The following GPSM1 variants were observed in gnomAD, a reference collection of about 807,000 sequenced individuals.
GPSM1 encodes G protein-signaling modulator 1.
GPSM1 carries 48 observed loss-of-function variants against 70.5 expected under a neutral mutation model. The observed-to-expected ratio is 0.68, with a 90% CI of 0.54 to 0.87. The LOEUF is 0.87. Among genes scored for constraint, GPSM1 ranks in the 40% least tolerant of loss-of-function variants. The pLI, the probability that GPSM1 is intolerant of heterozygous loss-of-function variation, is 0.00. For missense variants in GPSM1, 981 were observed against 972.6 expected (o/e 1.01, Z -0.11); for synonymous variants, 416 against 430.1 (o/e 0.97, Z 0.41).
chr9:136,356,437 G>A lies in GPSM1; in HGVS notation c.1708G>A (p.Val570Met), dbSNP rs782429418. ...CCGGCTGGACGACCAGCGGGCCAGC[G>A]TGGGCAGCCTGCCGGGGCTGCGAAT... ...SRRLDDQRAS[V>M]GSLPGLRITH... The change falls in exon 13 of 14, where the codon GTG (valine) becomes ATG (methionine). Residue 570 changes from valine to methionine, a missense_variant. Transcript: ENST00000440944. The A allele has an allele frequency of 6.8e-6, 11 of 1,610,754 alleles. No individual in the cohort carries two copies. Among genetic ancestry groups the A allele is most frequent in the East Asian group, 6.7e-5 (3 of 44,818 alleles).
chr9:136,348,801 G>C, intron 10 of GPSM1, 34 bp downstream of exon 10: 1 of 1,523,398 alleles, frequency 6.6e-7, no homozygotes, highest in Non-Finnish European at 9.1e-7. Context: ...TGTCAGCACA[G>C]CCGCTGCCAG....
At chr9:136,330,871 G>A (rs573646425) in intron 1 of GPSM1, among the ~76,000 whole-genome samples, 3 of 152,280 alleles carry the variant, frequency 2.0e-5, no homozygotes, top group South Asian at 4.1e-4. Context: ...CTGGGCAAGG[G>A]AGAGGCATTC....
chr9:136,338,009 T>G, intron 6 of GPSM1, 48 bp downstream of exon 6: 1 of 1,263,738 alleles, frequency 7.9e-7, no homozygotes, highest in Non-Finnish European at 1.1e-6. Flanking sequence ...CCGGGGGGGC[T>G]GGATGCCAGG....
At position 136,340,840 on chromosome 9, in the gene GPSM1, C is replaced by G; in HGVS notation, c.1084-30C>G. The G allele has an allele frequency of 6.5e-7, 1 of 1,541,480 alleles. No individual in the cohort carries two copies. Among genetic ancestry groups the G allele is most frequent in the South Asian group, 1.2e-5 (1 of 83,156 alleles). ...CCCACAGCAGGGCCCCCAGCCACAC[C>G]TGCCCGCTCCGCCACCCCACTCGCC... On this transcript the variant is annotated intron_variant, in intron 8 of 13. Transcript: ENST00000440944. This position sits in a 1 kb window ranked among gnomAD's most constrained non-coding sequence, Gnocchi z 7.3.
intron 3 of GPSM1, among the ~76,000 whole-genome samples, chr9:136,336,496 G>A (rs782271080): frequency 8.5e-5 from 13 of 152,188 alleles, no homozygotes; most frequent in Non-Finnish European, 1.5e-4. Flanking sequence ...GTCTCCGCTT[G>A]TGCTGGACCC....
Position 136,341,840 on chromosome 9 carries a change from A to G in GPSM1, c.1207+847A>G. Reference sequence around the variant, plus strand: ...AATAATTAAATGTTTTTATAGAGATAGGGCCTCACTATGTTGCCCAGGCCA... The same window carrying G: ...AATAATTAAATGTTTTTATAGAGATGGGGCCTCACTATGTTGCCCAGGCCA... On this transcript the variant is annotated intron_variant, in intron 9 of 13. Transcript: ENST00000440944. This position sits in a 1 kb window ranked among gnomAD's most constrained non-coding sequence, Gnocchi z 6.7. The G allele has an allele frequency of 1.1e-6, 1 of 913,420 alleles. No homozygotes were observed. Among genetic ancestry groups the G allele is most frequent in the Non-Finnish European group, 1.3e-6 (1 of 764,224 alleles). 56.6% of individuals were successfully genotyped at this position (913,420 alleles called of 1,614,324 possible). A position where few individuals can be genotyped will look rare whatever the true frequency, so the allele number is the denominator to read the frequency against.
Position 136,340,719 on chromosome 9 carries a change from C to G in GPSM1, c.1084-151C>G. ...CTCCACCTCCGGGTCCACAGTGAGT[C>G]CTGGTTCCCTCAGAGGCCCAGGGGT... On this transcript the variant is annotated intron_variant, in intron 8 of 13. Transcript: ENST00000440944. This position sits in a 1 kb window ranked among gnomAD's most constrained non-coding sequence, Gnocchi z 7.3. 8.5e-7 allele frequency: 1 copy of G among 1,171,162 alleles called. No homozygotes were observed. 72.5% of individuals were successfully genotyped at this position (1,171,162 alleles called of 1,614,324 possible).
At chr9:136,328,779 C>G (rs1433144280) in intron 1 of GPSM1, among the ~76,000 whole-genome samples, 1 of 152,186 alleles carries the variant, frequency 6.6e-6, no homozygotes, top group African/African-American at 2.4e-5. Flanking sequence ...AGCCCCTAGC[C>G]TGGCTCCTGG....
chr9:136,358,086 G>A lies in GPSM1; in HGVS notation c.1894G>A (p.Asp632Asn), dbSNP rs782289478. The A allele has an allele frequency of 1.2e-6, 2 of 1,612,718 alleles. No homozygotes were observed. Among genetic ancestry groups the A allele is most frequent in the African/African-American group, 1.3e-5 (1 of 75,030 alleles). The change falls in exon 14 of 14, where the codon GAC (aspartate) becomes AAC (asparagine). Residue 632 changes from aspartate (D) to asparagine (N), a missense_variant. Asp to Asn is a conservative substitution (Grantham distance 23). Transcript: ENST00000440944. ...CCGGGGCCCTACCATGCCGGACGAG[G>A]ACTTCTTCAGCCTCATTCAGAGGGT... ...LPRGPTMPDE[D>N]FFSLIQRVQA...
intron 6 of GPSM1, 80 bp from the exon 7 acceptor site, chr9:136,338,475 C>A: frequency 7.3e-7 from 1 of 1,370,256 alleles, no homozygotes; most frequent in Non-Finnish European, 1.0e-6. Context: ...GACCATCGGG[C>A]AGACTGCGTC....
At chr9:136,328,888 C>T (rs139384639) in intron 1 of GPSM1, among the ~76,000 whole-genome samples, 6 of 152,306 alleles carry the variant, frequency 3.9e-5, no homozygotes, top group Admixed American at 3.9e-4. Context: ...CTGATCTGAT[C>T]GGCTGTGCAG....
chr9:136,353,057 G>A, intron 11 of GPSM1: 2 of 984,084 alleles, frequency 2.0e-6, no homozygotes, highest in Non-Finnish European at 2.4e-6. Flanking sequence ...CTTTGGGCAG[G>A]GCGGTGGTGG....
At chr9:136,331,973 G>T in intron 1 of GPSM1, 1 of 398,488 alleles carries the variant, frequency 2.5e-6, no homozygotes. Flanking sequence ...TGGGGCGAGG[G>T]CTGGCTTGGG....
chr9:136,350,454 T>G (rs549454091), intron 11 of GPSM1, among the ~76,000 whole-genome samples: 11 of 152,302 alleles, frequency 7.2e-5, no homozygotes, highest in Non-Finnish European at 1.3e-4. Context: ...ACACCCATGG[T>G]CAGGCCCTGG....
intron 12 of GPSM1, 26 bp downstream of exon 12, chr9:136,355,872 TC>T: frequency 6.4e-7 from 1 of 1,566,426 alleles, no homozygotes; most frequent in Non-Finnish European, 8.7e-7. Context: ...AGCCGGGCCC[TC>T]CCTTGGGCTT....
At chr9:136,336,680 A>G (rs542863646) in intron 3 of GPSM1, among the ~76,000 whole-genome samples, 23 of 152,238 alleles carry the variant, frequency 1.5e-4, no homozygotes, top group African/African-American at 5.5e-4. Flanking sequence ...AGAGCTGAGG[A>G]CCTGGCACCC....
chr9:136,343,944 G>A lies in GPSM1; in HGVS notation c.1207+2951G>A, dbSNP rs896727782. On this transcript the variant is annotated intron_variant, in intron 9 of 13. Coordinates refer to ENST00000440944, the MANE Select transcript of GPSM1 (RefSeq NM_001145638.3). The surrounding 1 kb of genome is among the most constrained non-coding windows in gnomAD (Gnocchi z 6.0). ...GGAAATGGCACACAGGGTCCCGCACGCAGCAGATACACAGTAAATGCCTGC... is the reference window on the plus strand; with the variant it reads ...GGAAATGGCACACAGGGTCCCGCACACAGCAGATACACAGTAAATGCCTGC... 6.6e-6 allele frequency among the ~76,000 whole-genome samples: 1 copy of A among 152,162 alleles called. No individual in the cohort carries two copies. Among genetic ancestry groups the A allele is most frequent in the Non-Finnish European group, 1.5e-5 (1 of 68,018 alleles).
intron 1 of GPSM1, among the ~76,000 whole-genome samples, chr9:136,332,661 CGGT>C (rs1384992934): frequency 5.3e-5 from 8 of 152,060 alleles, no homozygotes; most frequent in Non-Finnish European, 1.0e-4. Context: ...GTCATGGCGA[CGGT>C]GGGCTCCTGT....
At chr9:136,329,216 C>T (rs1454794899) in intron 1 of GPSM1, among the ~76,000 whole-genome samples, 4 of 152,196 alleles carry the variant, frequency 2.6e-5, no homozygotes, top group African/African-American at 9.6e-5. Context: ...GCAGGGAGTC[C>T]AGTTGAGCTC....
Sources: allele counts gnomAD v4.1 joint callset (sites outside exome capture counted in the v4.1 genomes callset), GRCh38; gene constraint gnomAD v4.1.1; non-coding constraint Gnocchi (gnomAD v3.1); transcripts MANE v1.5; gene names NCBI Gene and HGNC (gene_info 2026-07-23, HGNC 2026-07-21).